The following FLNB variants were observed in gnomAD, a reference collection of about 807,000 sequenced individuals.
The protein encoded by FLNB is filamin B.
FLNB carries 111 observed loss-of-function variants against 250.6 expected under a neutral mutation model. The ratio of observed to expected loss-of-function variants is 0.44; its 90% CI spans 0.38 to 0.52. The LOEUF (loss-of-function observed/expected upper bound fraction) is 0.52, where lower values mean the gene tolerates loss of function less well. Among genes scored for constraint, FLNB ranks in the 20% least tolerant of loss-of-function variants. The pLI, the probability that FLNB is intolerant of heterozygous loss-of-function variation, is 0.00. For synonymous variants in FLNB, 1,302 were observed against 1,372.1 expected (o/e 0.95, Z 1.13); for missense variants, 2,869 against 3,447.8 (o/e 0.83, Z 4.20).
chr3:58,100,829 T>A (rs553648248), intron 8 of FLNB, among the ~76,000 whole-genome samples: 17 of 151,778 alleles, frequency 1.1e-4, no homozygotes, highest in Non-Finnish European at 2.2e-4. Context: ...GAACTCCTGA[T>A]GTCAAGTGAT....
At chr3:58,057,542 T>A (rs74627337) in intron 1 of FLNB, among the ~76,000 whole-genome samples, 8,779 of 152,184 alleles carry the variant, frequency 0.058, 816 homozygotes, top group African/African-American at 0.2. Flanking sequence ...GGGCCTGACA[T>A]TAGATGATGG....
chr3:58,040,381 T>A (rs942954835), intron 1 of FLNB, among the ~76,000 whole-genome samples: 1 of 152,222 alleles, frequency 6.6e-6, no homozygotes, highest in African/African-American at 2.4e-5. Context: ...CTTACTCTTA[T>A]GGAGCCATTG....
chr3:58,156,728 G>A (rs560007605), intron 41 of FLNB, among the ~76,000 whole-genome samples: 2 of 152,080 alleles, frequency 1.3e-5, no homozygotes, highest in Non-Finnish European at 2.9e-5. Context: ...GCAGAGTCTC[G>A]CTCTGTCACC....
intron 1 of FLNB, among the ~76,000 whole-genome samples, chr3:58,020,558 A>G (rs2097112400): frequency 6.6e-6 from 1 of 151,880 alleles, no homozygotes; most frequent in South Asian, 2.1e-4. Flanking sequence ...TTAACACAGC[A>G]CTCCTGTTCT....
rs2097320223 is a variant in FLNB at position 58,138,373 on chromosome 3, G to A, written c.4953G>A (p.Thr1651=). The A allele has an allele frequency of 4.3e-6, 7 of 1,614,226 alleles. No individual in the cohort carries two copies. Among genetic ancestry groups the A allele is most frequent in the South Asian group, 3.3e-5 (3 of 91,076 alleles). The change falls in exon 29 of 46, where the codon ACG becomes ACA. Residue 1651 remains threonine (T), a synonymous_variant. Transcript: ENST00000295956. The part of the protein sequence containing the change: ...KTAGKGKVTC[T]VLTPDGTEAE... ...CCGGGAAGGGTAAAGTGACCTGCAC[G>A]GTTCTGACCCCAGATGGCACTGAGG...
chr3:58,148,430 G>A (rs1030496991), intron 35 of FLNB, 66 bp downstream of exon 35: 13 of 1,554,148 alleles, frequency 8.4e-6, no homozygotes, highest in Non-Finnish European at 1.1e-5. Context: ...GACTCTTGCA[G>A]TCCTTTCTTG....
chr3:58,108,563 T>G lies in FLNB; in HGVS notation c.2047T>G (p.Phe683Val). ...KDAGKAPLKI[F>V]AQDGEGQRID... is the part of the protein sequence containing the mutation. ...TGCTGGAAAAGCTCCCTTAAAGATA[T>G]TTGCTCAGGTAAATTTCAGGGGGCC... Residue 683 changes from phenylalanine to valine, a missense_variant, in exon 13 of 46, where the codon TTT becomes GTT. Physicochemically the swap from Phe to Val is conservative, Grantham distance 50. Coordinates refer to ENST00000295956, the MANE Select transcript of FLNB (RefSeq NM_001457.4). The G allele has an allele frequency of 2.5e-6, 4 of 1,610,806 alleles. No individual in the cohort carries two copies. In the South Asian group the frequency reaches 4.4e-5, roughly 18 times the overall value.
Position 58,077,289 on chromosome 3 carries a change from C to T in FLNB, c.536C>T (p.Ala179Val). The T allele has an allele frequency of 6.2e-7, 1 of 1,613,976 alleles. No individual in the cohort carries two copies. Among genetic ancestry groups the T allele is most frequent in the Non-Finnish European group, 8.5e-7 (1 of 1,179,922 alleles). Residue 179 changes from alanine (A) to valine (V), a missense_variant, in exon 2 of 46, where the codon GCT (alanine) becomes GTT (valine). Physicochemically the swap from Ala to Val is moderately conservative, Grantham distance 64. This residue lies in a region of FLNB where 308 missense variants were observed against 466.1 expected (regional missense o/e 0.66). Transcript: ENST00000295956. ...CTGGGAGCCCTGGTAGACAGCTGTGCTCCAGGTAAGTGGCCAGGGCTGCCT... is the reference window on the plus strand; with the variant it reads ...CTGGGAGCCCTGGTAGACAGCTGTGTTCCAGGTAAGTGGCCAGGGCTGCCT... ...KALGALVDSC[A>V]PGLCPDWESW... is the part of the protein sequence containing the mutation.
At chr3:58,057,782 C>T (rs1230040486) in intron 1 of FLNB, among the ~76,000 whole-genome samples, 1 of 152,068 alleles carries the variant, frequency 6.6e-6, no homozygotes, top group African/African-American at 2.4e-5. Context: ...TCTAATACCA[C>T]ATGTAAGTCG....
chr3:58,164,043 GTCTT>G lies in FLNB; in HGVS notation c.7198+714_7198+717del, dbSNP rs2097366348. The G allele has an allele frequency of 6.6e-6, 1 of 152,308 alleles. No individual in the cohort carries two copies. The highest frequency in any genetic ancestry group is 2.1e-4 in the South Asian group (1 of 4,784). The allele number at this position is 152,308 out of a possible 1,614,324, so 9.4% of individuals were successfully genotyped here. A position where few individuals can be genotyped will look rare whatever the true frequency, so the allele number is the denominator to read the frequency against. On this transcript the variant is annotated intron_variant, in intron 43 of 45. Transcript: ENST00000295956. The surrounding 1 kb of genome is among the most constrained non-coding windows in gnomAD (Gnocchi z 4.0). ...CACCCTGTCTGTCATCTCATTGTCT[GTCTT>G]CATTCTTGGTTGCTGGGTTGGTTAG...
Position 58,112,195 on chromosome 3 carries a change from G to T in FLNB, c.2622G>T (p.Gly874=), listed in dbSNP as rs369019485. The T allele has an allele frequency of 2.4e-5, 39 of 1,614,062 alleles. No individual in the cohort carries two copies. In the African/African-American group the frequency reaches 4.7e-4, roughly 19 times the overall value. ...CCCACTTCACTGTCTACACCAAGGG[G>T]GCTGGGAAAGCCCCGCTCAACGTGC... ...KPTHFTVYTK[G]AGKAPLNVQF... Residue 874 remains glycine, a synonymous_variant, in exon 18 of 46, where the codon GGG becomes GGT. Transcript: ENST00000295956.
intron 18 of FLNB, 46 bp from the exon 19 acceptor site, chr3:58,118,826 G>A: frequency 6.9e-7 from 1 of 1,448,040 alleles, no homozygotes; most frequent in Non-Finnish European, 9.7e-7. Context: ...TGCCAAGTTA[G>A]CTTTTTGGTA....
intron 1 of FLNB, among the ~76,000 whole-genome samples, chr3:58,012,857 G>A (rs960812901): frequency 6.6e-6 from 1 of 152,224 alleles, no homozygotes; most frequent in Non-Finnish European, 1.5e-5. Context: ...GGAGTCATTA[G>A]AATTGTGTAC....
intron 1 of FLNB, among the ~76,000 whole-genome samples, chr3:58,011,164 C>T (rs1248408152): frequency 1.3e-5 from 2 of 152,096 alleles, no homozygotes; most frequent in Non-Finnish European, 2.9e-5. Flanking sequence ...ATGCCCGCCT[C>T]GGCCTCCCAA....
chr3:58,100,373 A>AAAAATAATATATATATATATAT, intron 8 of FLNB, among the ~76,000 whole-genome samples: 1 of 104,386 alleles, frequency 9.6e-6, no homozygotes, highest in Non-Finnish European at 1.8e-5. Context: ...GTAAAAAAAA[A>AAAAATAATATATATATATATAT]ATATATATAT....
At chr3:58,049,615 C>T (rs1438119473) in intron 1 of FLNB, among the ~76,000 whole-genome samples, 4 of 152,124 alleles carry the variant, frequency 2.6e-5, no homozygotes, top group African/African-American at 9.7e-5. Flanking sequence ...TGACAGGAAG[C>T]CTGATGGAGC....
intron 1 of FLNB, among the ~76,000 whole-genome samples, chr3:58,064,361 G>C (rs2106895347): frequency 6.6e-6 from 1 of 152,178 alleles, no homozygotes; most frequent in South Asian, 2.1e-4. Flanking sequence ...TCAAACTCCT[G>C]AGTTTCGCCA....
intron 13 of FLNB, 117 bp from the exon 14 acceptor site, chr3:58,109,062 A>T: frequency 9.2e-6 from 11 of 1,190,442 alleles, no homozygotes; most frequent in Non-Finnish European, 1.2e-5. Flanking sequence ...TAGTTGGTCC[A>T]TGAAGTTTTG....
intron 29 of FLNB, among the ~76,000 whole-genome samples, chr3:58,140,843 G>T (rs1466712065): frequency 6.6e-6 from 1 of 152,198 alleles, no homozygotes; most frequent in African/African-American, 2.4e-5. Flanking sequence ...GACCTCCAGT[G>T]ATCCACCTGC....
Sources: gnomAD v4.1 joint callset for allele counts (sites outside exome capture counted in the v4.1 genomes callset) on GRCh38, gnomAD v4.1.1 for gene constraint, gnomAD v4.1.1 regional missense constraint, Gnocchi (gnomAD v3.1) non-coding constraint, MANE v1.5 for transcripts, NCBI Gene and HGNC (gene_info 2026-07-23, HGNC 2026-07-21) for gene names.